The following WDHD1 variants were observed in gnomAD, a reference collection of about 807,000 sequenced individuals.
The protein encoded by WDHD1 is WD repeat and HMG-box DNA-binding protein 1.
WDHD1 carries 111 observed loss-of-function variants against 135.4 expected under a neutral mutation model. The observed-to-expected ratio is 0.82, with a 90% CI of 0.70 to 0.96. WDHD1 has a LOEUF of 0.96. Ranked by LOEUF, WDHD1 falls within the 40% of genes least tolerant of loss-of-function variation. The pLI is 0.00. For missense variants in WDHD1, 1,351 were observed against 1,336.3 expected (o/e 1.01, Z -0.17); for synonymous variants, 434 against 439.0 (o/e 0.99, Z 0.14).
chr14:54,964,068 A>T (rs1047060606), intron 18 of WDHD1, among the ~76,000 whole-genome samples: 1 of 152,186 alleles, frequency 6.6e-6, no homozygotes, highest in Non-Finnish European at 1.5e-5. Context: ...CAATCTTGCC[A>T]CTGTACTCTA....
At chr14:54,954,030 G>A (rs1204656204) in intron 24 of WDHD1, among the ~76,000 whole-genome samples, 1 of 151,680 alleles carries the variant, frequency 6.6e-6, no homozygotes, top group South Asian at 2.1e-4. Context: ...TAAATGATGA[G>A]CACAGCACAC....
At chr14:55,015,072 T>C (rs1171248778) in intron 2 of WDHD1, among the ~76,000 whole-genome samples, 1 of 152,164 alleles carries the variant, frequency 6.6e-6, no homozygotes, top group Non-Finnish European at 1.5e-5. Flanking sequence ...AGGAGGACTA[T>C]AAGTCTCAGT....
intron 21 of WDHD1, among the ~76,000 whole-genome samples, chr14:54,961,171 C>A (rs1344138168): frequency 6.6e-6 from 1 of 152,034 alleles, no homozygotes; most frequent in Non-Finnish European, 1.5e-5. Context: ...AAACCTACAA[C>A]AGTCTCTCAG....
chr14:54,952,901 C>A (rs1450242233), intron 24 of WDHD1, among the ~76,000 whole-genome samples: 1 of 152,146 alleles, frequency 6.6e-6, no homozygotes, highest in Non-Finnish European at 1.5e-5. Flanking sequence ...ATAAATGGTG[C>A]TGGGAAAACT....
intron 24 of WDHD1, among the ~76,000 whole-genome samples, chr14:54,949,161 T>G (rs1382155890): frequency 1.3e-5 from 2 of 152,178 alleles, no homozygotes; most frequent in African/African-American, 2.4e-5. Context: ...AGAATGACTT[T>G]GACGAGTTGA....
At chr14:54,967,767 T>C (rs1305984758) in intron 16 of WDHD1, among the ~76,000 whole-genome samples, 2 of 152,074 alleles carry the variant, frequency 1.3e-5, no homozygotes, top group Admixed American at 6.6e-5. Context: ...ACTACAGATA[T>C]ATGCCACCAT....
rs996885502 is a variant in WDHD1, at chr14:54,939,563, T to A, written c.*1927A>T. ...TAATTTATTTCCATTTTCACTTTCA[T>A]ACTATTCAGTCCCAATTCTCTGGAA... On this transcript the variant is annotated 3_prime_UTR_variant, in exon 26 of 26. Transcript: ENST00000360586. 1 of 142,878 alleles carries A rather than the reference T, an allele frequency of 7.0e-6. No homozygotes were observed. The highest frequency in any genetic ancestry group is 1.5e-5 in the Non-Finnish European group (1 of 66,530). The allele number at this position is 142,878 out of a possible 1,614,324, so 8.9% of individuals were successfully genotyped here. A position where few individuals can be genotyped will look rare whatever the true frequency, so the allele number is the denominator to read the frequency against.
At chr14:54,968,178 T>C (rs1446455206) in intron 16 of WDHD1, among the ~76,000 whole-genome samples, 1 of 152,070 alleles carries the variant, frequency 6.6e-6, no homozygotes, top group African/African-American at 2.4e-5. Context: ...TCTGAGACCA[T>C]AGTAAAATAA....
At chr14:55,023,598 G>A (rs953326360) in intron 2 of WDHD1, among the ~76,000 whole-genome samples, 1 of 152,126 alleles carries the variant, frequency 6.6e-6, no homozygotes, top group South Asian at 2.1e-4. Context: ...CAAAGTTTAC[G>A]GCATTGGACT....
At position 55,008,335 on chromosome 14, in the gene WDHD1, A is replaced by G; in HGVS notation, c.485T>C (p.Val162Ala). The G allele has an allele frequency of 6.2e-7, 1 of 1,613,592 alleles. No homozygotes were observed. The highest frequency in any genetic ancestry group is 1.7e-5 in the Admixed American group (1 of 59,968). The change falls in exon 6 of 26, where the codon GTG (valine) becomes GCG (alanine). Residue 162 changes from valine to alanine, a missense_variant. By Grantham distance (64) the Val-to-Ala change is moderately conservative. Around this residue, in one of 2 missense-constraint regions of WDHD1, gnomAD observed 1,330 missense variants for 1,296.1 expected, o/e 1.03. Coordinates refer to ENST00000360586, the MANE Select transcript of WDHD1 (RefSeq NM_007086.4). ...ASASCDGSVR[V>A]WQISDQTCAI... The stretch of plus-strand genomic sequence containing the variant: ...GTTTACCTGATCTGAAATTTGCCAC[A>G]CTCTGACAGATCCATCACAACTAGC...
rs543961214 is a variant in WDHD1, at chr14:55,014,052, T to G, written c.78-456A>C. On this transcript the variant is annotated intron_variant, in intron 2 of 25. Coordinates refer to ENST00000360586, the MANE Select transcript of WDHD1 (RefSeq NM_007086.4). ...TAAACTTTAAAAATAAAGTGCTAAT[T>G]TCCTTCTATAAAATAAAAGATGAGT... is the stretch of plus-strand genomic sequence containing the variant. Among the ~76,000 whole-genome samples, 4 of 152,366 alleles carry G rather than the reference T, an allele frequency of 2.6e-5. No individual in the cohort carries two copies. The East Asian group carries it at 7.7e-4, about 29-fold the overall frequency.
chr14:55,016,416 G>C (rs908141402), intron 2 of WDHD1, among the ~76,000 whole-genome samples: 2 of 152,112 alleles, frequency 1.3e-5, no homozygotes, highest in Admixed American at 1.3e-4. Context: ...CATTTACCAC[G>C]GGGCTACAGT....
Position 54,989,061 on chromosome 14 carries a change from A to C in WDHD1, c.1493T>G (p.Leu498Trp). 6.2e-7 allele frequency: 1 copy of C among 1,612,680 alleles called. No homozygotes were observed. Among genetic ancestry groups the C allele is most frequent in the Non-Finnish European group, 8.5e-7 (1 of 1,179,162 alleles). ...TTCATCAGTGCTTTCACATGCCAAC[A>C]AAATAGCTTCGTGGGAAAGATCTGC... Reference protein sequence around the residue: ...TIADLSHEAILLACESTDELA... With the variant: ...TIADLSHEAIWLACESTDELA... The change falls in exon 13 of 26, where the codon TTG (leucine) becomes TGG (tryptophan). Residue 498 changes from leucine (L) to tryptophan (W), a missense_variant. Physicochemically the swap from Leu to Trp is moderately conservative, Grantham distance 61 (BLOSUM62 -2). Around this residue, in one of 2 missense-constraint regions of WDHD1, gnomAD observed 1,330 missense variants for 1,296.1 expected, o/e 1.03. Coordinates refer to ENST00000360586, the MANE Select transcript of WDHD1 (RefSeq NM_007086.4).
intron 10 of WDHD1, among the ~76,000 whole-genome samples, chr14:54,997,980 G>A (rs997185864): frequency 1.3e-5 from 2 of 151,838 alleles, no homozygotes; most frequent in African/African-American, 4.8e-5. Context: ...GGGGGGCTGC[G>A]GTGGGTGGAT....
At chr14:55,001,951 A>G (rs932257249) in intron 8 of WDHD1, 142 bp downstream of exon 8, 1 of 627,758 alleles carries the variant, frequency 1.6e-6, no homozygotes, top group Admixed American at 3.2e-5. Context: ...TGAAGAAAGG[A>G]TGAGCTGTTA....
In WDHD1 at chr14:54,952,768, A is replaced by T. The variant is rs371586744; in HGVS notation, c.3050+2793T>A. The stretch of plus-strand genomic sequence containing the variant: ...TACAAAACAGCACAGTACTGGTACC[A>T]AAACAGAGATACAGACCAATGGAAC... On this transcript the variant is annotated intron_variant, in intron 24 of 25. Transcript: ENST00000360586. 2.9e-4 allele frequency among the ~76,000 whole-genome samples: 44 copies of T among 152,372 alleles called. No individual in the cohort carries two copies. In the East Asian group the frequency reaches 7.5e-3, roughly 26 times the overall value.
Position 54,969,189 on chromosome 14 carries a change from C to G in WDHD1, c.2064-1795G>C, listed in dbSNP as rs142925385. 3.3e-5 allele frequency among the ~76,000 whole-genome samples: 5 copies of G among 152,184 alleles called. No homozygotes were observed. The East Asian group carries it at 9.7e-4, about 29-fold the overall frequency. On this transcript the variant is annotated intron_variant, in intron 16 of 25. Coordinates refer to ENST00000360586, the MANE Select transcript of WDHD1 (RefSeq NM_007086.4). ...AAGTAGCTGAGACTACAGGTGCCCA[C>G]CACCACGCCCAGCTAATGTTTTGTA...
intron 4 of WDHD1, among the ~76,000 whole-genome samples, chr14:55,009,244 GCTT>G (rs945910166): frequency 6.6e-6 from 1 of 151,992 alleles, no homozygotes; most frequent in Non-Finnish European, 1.5e-5. Context: ...TTCCTAAATG[GCTT>G]CTTTAGTTAC....
At chr14:55,026,839 C>G in intron 1 of WDHD1, 36 bp from the exon 2 acceptor site, 1 of 1,604,434 alleles carries the variant, frequency 6.2e-7, no homozygotes, top group East Asian at 2.2e-5. Context: ...CTTATTATTT[C>G]AAAAGAGAAA....
Sources: allele counts gnomAD v4.1 joint callset (sites outside exome capture counted in the v4.1 genomes callset), GRCh38; gene constraint gnomAD v4.1.1; regional missense constraint gnomAD v4.1.1; transcripts MANE v1.5; gene names NCBI Gene and HGNC (gene_info 2026-07-23, HGNC 2026-07-21).